Variants in TMC1 observed in about 807,000 individuals in gnomAD.
The protein encoded by TMC1 is transmembrane channel like 1, also known as transmembrane channel-like protein 1.
A neutral mutation model predicts 105.8 loss-of-function variants in TMC1; 84 were observed. The observed-to-expected ratio is 0.79, with a 90% CI of 0.67 to 0.95. The LOEUF is 0.95. TMC1 is among the 40% of genes least tolerant of loss of function. TMC1 has a pLI of 0.00. For synonymous variants in TMC1, 315 were observed against 311.5 expected (o/e 1.01, Z -0.12); for missense variants, 817 against 914.1 (o/e 0.89, Z 1.37).
At chr9:72,783,622 A>G (rs1828126679) in intron 13 of TMC1, among the ~76,000 whole-genome samples, 1 of 152,178 alleles carries the variant, frequency 6.6e-6, no homozygotes, top group African/African-American at 2.4e-5. Flanking sequence ...AGACACACCA[A>G]GAAACAATAT....
At chr9:72,830,307 C>T in intron 21 of TMC1, 144 bp from the exon 22 acceptor site, 1 of 683,448 alleles carries the variant, frequency 1.5e-6, no homozygotes, top group Non-Finnish European at 2.6e-6. Context: ...CAGCTTTTAT[C>T]TATAAGACAA....
chr9:72,522,901 G>T (rs35495335), intron 1 of TMC1, among the ~76,000 whole-genome samples: 4,118 of 152,208 alleles, frequency 0.027, 107 homozygotes, highest in Non-Finnish European at 0.042. Flanking sequence ...TTTGTGAGGG[G>T]CTGTCCTGTG....
intron 8 of TMC1, among the ~76,000 whole-genome samples, chr9:72,704,354 AG>A (rs938417790): frequency 2.6e-5 from 4 of 152,172 alleles, no homozygotes; most frequent in African/African-American, 9.7e-5. Context: ...TATTTTAGAC[AG>A]TGTCAGGGTT....
At chr9:72,558,034 C>T (rs1182596407) in intron 1 of TMC1, among the ~76,000 whole-genome samples, 1 of 152,076 alleles carries the variant, frequency 6.6e-6, no homozygotes, top group East Asian at 1.9e-4. Context: ...TTCCCTGGCA[C>T]TGTAAGGGCA....
intron 8 of TMC1, among the ~76,000 whole-genome samples, chr9:72,719,086 G>T (rs2117939220): frequency 6.6e-6 from 1 of 152,288 alleles, no homozygotes; most frequent in East Asian, 1.9e-4. Context: ...CAGGCAGTGG[G>T]CAAGTAGGGC....
chr9:72,638,885 C>T (rs1825578992), intron 4 of TMC1, among the ~76,000 whole-genome samples: 1 of 152,072 alleles, frequency 6.6e-6, no homozygotes, highest in Admixed American at 6.6e-5. Flanking sequence ...AAATTAGTGG[C>T]ATTTTAGTTT....
chr9:72,740,325 C>T, intron 9 of TMC1, 116 bp downstream of exon 9: 1 of 839,496 alleles, frequency 1.2e-6, no homozygotes, highest in Non-Finnish European at 2.0e-6. Flanking sequence ...CACAAATACT[C>T]ATACAGTATA....
intron 5 of TMC1, among the ~76,000 whole-genome samples, chr9:72,674,760 G>A (rs1272415852): frequency 1.3e-5 from 2 of 152,230 alleles, no homozygotes. Flanking sequence ...GACAGGGGAA[G>A]AGGTCTGGAG....
At chr9:72,669,416 G>A (rs970533925) in intron 5 of TMC1, among the ~76,000 whole-genome samples, 16 of 151,982 alleles carry the variant, frequency 1.1e-4, no homozygotes, top group African/African-American at 3.6e-4. Flanking sequence ...AAAAATTTTG[G>A]CATATTTCAT....
chr9:72,685,655 C>G lies in TMC1; in HGVS notation c.17-3054C>G, dbSNP rs141782046. 6.1e-4 allele frequency among the ~76,000 whole-genome samples: 93 copies of G among 152,240 alleles called. 1 individual carries two copies. In the East Asian group the frequency reaches 0.016, roughly 26 times the overall value. On this transcript the variant is annotated intron_variant, in intron 5 of 23. Transcript: ENST00000297784. ...CTGGGATTACAGGCGTGAGCCACTG[C>G]GCCTGGCCTATAAAGTCATTCTTTT... is the stretch of plus-strand genomic sequence containing the variant.
chr9:72,814,265 C>G (rs1318838360), intron 18 of TMC1, among the ~76,000 whole-genome samples: 1 of 152,150 alleles, frequency 6.6e-6, no homozygotes, highest in African/African-American at 2.4e-5. Flanking sequence ...CAGATGTGTT[C>G]TGTGATCACA....
intron 2 of TMC1, 85 bp from the exon 3 acceptor site, chr9:72,616,283 C>T (rs1430099667): frequency 6.6e-6 from 1 of 152,166 alleles, no homozygotes; most frequent in South Asian, 2.1e-4. Context: ...AGTTGGTTTA[C>T]AGCAGAACTG....
chr9:72,718,889 G>A (rs1444715860), intron 8 of TMC1, among the ~76,000 whole-genome samples: 1 of 152,172 alleles, frequency 6.6e-6, no homozygotes, highest in African/African-American at 2.4e-5. Context: ...TGTGGCTGCT[G>A]TGGGGATAGG....
At chr9:72,725,371 A>G (rs1453510336) in intron 8 of TMC1, among the ~76,000 whole-genome samples, 1 of 138,642 alleles carries the variant, frequency 7.2e-6, no homozygotes, top group African/African-American at 2.6e-5. Context: ...ATATATATGT[A>G]TATACACACA....
chr9:72,814,205 G>A (rs1185619911), intron 18 of TMC1, among the ~76,000 whole-genome samples: 1 of 152,176 alleles, frequency 6.6e-6, no homozygotes, highest in South Asian at 2.1e-4. Context: ...GACAGAGAAA[G>A]GCTGTTCCAA....
intron 2 of TMC1, among the ~76,000 whole-genome samples, chr9:72,598,215 A>G (rs946553676): frequency 1.3e-5 from 2 of 152,094 alleles, no homozygotes; most frequent in African/African-American, 2.4e-5. Flanking sequence ...CTCTACATCA[A>G]TCTCTGCTCT....
chr9:72,556,320 T>C (rs1045387867), intron 1 of TMC1, among the ~76,000 whole-genome samples: 2 of 151,664 alleles, frequency 1.3e-5, no homozygotes, highest in African/African-American at 4.8e-5. Context: ...TTTCACCGTG[T>C]TGGCCAGGCT....
At chr9:72,549,764 C>T (rs1312131824) in intron 1 of TMC1, among the ~76,000 whole-genome samples, 4 of 152,202 alleles carry the variant, frequency 2.6e-5, no homozygotes, top group Admixed American at 2.6e-4. Context: ...GCATGTGCCA[C>T]CATGCCCGGC....
chr9:72,606,076 C>T (rs1824906746), intron 2 of TMC1, among the ~76,000 whole-genome samples: 1 of 151,996 alleles, frequency 6.6e-6, no homozygotes, highest in Admixed American at 6.6e-5. Flanking sequence ...TTTGAGGGGG[C>T]ACAATTTAGC....
Sources: allele counts gnomAD v4.1 joint callset (sites outside exome capture counted in the v4.1 genomes callset), GRCh38; gene constraint gnomAD v4.1.1; transcripts MANE v1.5; gene names NCBI Gene and HGNC (gene_info 2026-07-23, HGNC 2026-07-21).